AUTS2: variants seen among roughly 807,000 people sequenced by gnomAD.
AUTS2 encodes the protein autism susceptibility gene 2 protein.
In AUTS2, 17 loss-of-function variants were observed where a neutral mutation model predicts 112.4. That is an observed-to-expected ratio of 0.15 (90% CI 0.10 to 0.23). The LOEUF (loss-of-function observed/expected upper bound fraction) is 0.23. Among genes scored for constraint, AUTS2 ranks in the 10% least tolerant of loss-of-function variants. AUTS2 has a pLI of 1.00. For missense variants in AUTS2, 1,510 were observed against 1,701.6 expected, an observed-to-expected ratio of 0.89 and a Z score of 1.98; for synonymous variants, 751 against 702.7, an observed-to-expected ratio of 1.07 and a Z score of -1.09.
In AUTS2 at chr7:69,809,343, G is replaced by T. The variant is rs576141400; in HGVS notation, c.310-89943G>T. On this transcript the variant is annotated intron_variant, in intron 1 of 18. Coordinates refer to ENST00000342771, the MANE Select transcript of AUTS2 (RefSeq NM_015570.4). ...TCTGCCCGCCTTGGCCTCCCAAAGT[G>T]CTGGGATTACAGGCGTGAGCCACCA... 9.2e-4 allele frequency among the ~76,000 whole-genome samples: 140 copies of T among 152,258 alleles called. 1 individual carries two copies. The highest frequency in any genetic ancestry group is 3.3e-3 in the African/African-American group (136 of 41,558).
intron 5 of AUTS2, among the ~76,000 whole-genome samples, chr7:70,566,019 G>A (rs1801693770): frequency 1.3e-5 from 2 of 152,210 alleles, no homozygotes; most frequent in South Asian, 4.1e-4. Context: ...GAAGACGACC[G>A]TGCTGCCACT....
At chr7:69,747,851 T>G (rs1472377383) in intron 1 of AUTS2, among the ~76,000 whole-genome samples, 1 of 150,400 alleles carries the variant, frequency 6.6e-6, no homozygotes, top group African/African-American at 2.4e-5. Context: ...CAGAAATTAT[T>G]TGCGTACGTT....
intron 5 of AUTS2, among the ~76,000 whole-genome samples, chr7:70,593,508 G>A (rs142170714): frequency 1.4e-4 from 22 of 152,204 alleles, no homozygotes; most frequent in African/African-American, 2.4e-4. Context: ...AGGCACAACC[G>A]AGAGGACCTG....
rs145629049 is a variant in AUTS2 at position 69,763,808 on chromosome 7, G to T, written c.310-135478G>T. Among the ~76,000 whole-genome samples the T allele has an allele frequency of 6.1e-3, 933 of 152,220 alleles. 11 individuals carry two copies. In the Middle Eastern group the frequency reaches 0.065, roughly 11 times the overall value. On this transcript the variant is annotated intron_variant, in intron 1 of 18. Transcript: ENST00000342771. ...TCATTATTACTCCACTTCTTCCTTG[G>T]TACATAGCTCATGTTCTCCTTAACT...
At chr7:70,357,987 A>AT (rs5884780) in intron 4 of AUTS2, among the ~76,000 whole-genome samples, 51,273 of 151,788 alleles carry the variant, frequency 0.34, 9,883 homozygotes, top group African/African-American at 0.54. Flanking sequence ...GAGGTTGGCG[A>AT]GACCTAGAAT....
At chr7:69,613,896 A>G (rs1241241720) in intron 1 of AUTS2, among the ~76,000 whole-genome samples, 1 of 152,184 alleles carries the variant, frequency 6.6e-6, no homozygotes, top group African/African-American at 2.4e-5. Context: ...CCAGGTGACA[A>G]ATAGTCCATT....
chr7:70,540,646 G>T (rs1257968912), intron 5 of AUTS2, among the ~76,000 whole-genome samples: 1 of 152,106 alleles, frequency 6.6e-6, no homozygotes, highest in Non-Finnish European at 1.5e-5. Context: ...GGTTTGGGAG[G>T]TGCTCACATC....
chr7:70,245,733 C>T (rs1812890430), intron 4 of AUTS2, among the ~76,000 whole-genome samples: 1 of 152,108 alleles, frequency 6.6e-6, no homozygotes, highest in African/African-American at 2.4e-5. Flanking sequence ...TCTCCTGGCA[C>T]ATATCCTTGA....
chr7:70,432,686 G>A (rs1055674210), intron 4 of AUTS2, among the ~76,000 whole-genome samples: 7 of 152,166 alleles, frequency 4.6e-5, no homozygotes, highest in African/African-American at 1.2e-4. Context: ...AACGTTAGGC[G>A]CTGTTTGCTG....
intron 5 of AUTS2, among the ~76,000 whole-genome samples, chr7:70,574,481 C>A (rs1023905163): frequency 4.6e-5 from 7 of 152,182 alleles, no homozygotes; most frequent in Non-Finnish European, 8.8e-5. Context: ...AGTTTATTTA[C>A]AAGCAGATTT....
rs529222069 is a variant in AUTS2, at chr7:70,150,912, CA to C, written c.660+16342del. 1.3e-4 allele frequency among the ~76,000 whole-genome samples: 20 copies of C among 152,288 alleles called. No individual in the cohort carries two copies. In the South Asian group the frequency reaches 4.1e-3, roughly 32 times the overall value. On this transcript the variant is annotated intron_variant, in intron 4 of 18. Coordinates refer to ENST00000342771, the MANE Select transcript of AUTS2 (RefSeq NM_015570.4). The stretch of plus-strand genomic sequence containing the variant: ...AACAACCAAAACAAAAGATAAAATA[CA>C]TGACACAATGGTTTGCATGACACTG...
At chr7:70,670,938 G>A (rs892321761) in intron 5 of AUTS2, among the ~76,000 whole-genome samples, 5 of 152,210 alleles carry the variant, frequency 3.3e-5, no homozygotes, top group East Asian at 1.9e-4. Flanking sequence ...TTGGGAGGCC[G>A]AGGCGGGCGG....
At chr7:70,726,576 A>G (rs76500555) in intron 6 of AUTS2, among the ~76,000 whole-genome samples, 3,016 of 152,336 alleles carry the variant, frequency 0.02, 108 homozygotes, top group African/African-American at 0.069. Context: ...CTCAACAATG[A>G]GTAAAAATAC....
chr7:70,622,883 A>C (rs1248101514), intron 5 of AUTS2, among the ~76,000 whole-genome samples: 2 of 152,316 alleles, frequency 1.3e-5, no homozygotes, highest in East Asian at 3.9e-4. Flanking sequence ...CCACTGCAAG[A>C]GTTGGGGGTT....
chr7:69,977,054 A>G (rs1213480575), intron 2 of AUTS2, among the ~76,000 whole-genome samples: 1 of 152,132 alleles, frequency 6.6e-6, no homozygotes, highest in African/African-American at 2.4e-5. Context: ...GTTTTCTTCT[A>G]GCAGTTTTGT....
intron 5 of AUTS2, among the ~76,000 whole-genome samples, chr7:70,626,016 G>T (rs147747272): frequency 6.6e-6 from 1 of 151,994 alleles, no homozygotes; most frequent in African/African-American, 2.4e-5. Flanking sequence ...AGGTTCAAGC[G>T]ATTCTCTTGT....
chr7:69,666,772 T>C (rs1796066316), intron 1 of AUTS2, among the ~76,000 whole-genome samples: 1 of 152,016 alleles, frequency 6.6e-6, no homozygotes, highest in Non-Finnish European at 1.5e-5. Context: ...TGTGGTGGTG[T>C]ACACCTATAG....
intron 1 of AUTS2, among the ~76,000 whole-genome samples, chr7:69,751,767 A>G (rs767216986): frequency 6.6e-6 from 1 of 152,146 alleles, no homozygotes; most frequent in Non-Finnish European, 1.5e-5. Context: ...AGATTCTGAA[A>G]CCTAGACTTC....
intron 1 of AUTS2, among the ~76,000 whole-genome samples, chr7:69,696,102 A>G (rs1380330719): frequency 6.6e-6 from 1 of 152,184 alleles, no homozygotes; most frequent in African/African-American, 2.4e-5. Context: ...GTGAGAATTC[A>G]CTTTTCTTTT....
Sources: allele counts gnomAD v4.1 joint callset (sites outside exome capture counted in the v4.1 genomes callset), GRCh38; gene constraint gnomAD v4.1.1; transcripts MANE v1.5; gene names NCBI Gene and HGNC (gene_info 2026-07-23, HGNC 2026-07-21).